Variants in DDR2 observed in about 807,000 individuals in gnomAD.
DDR2 encodes the protein discoidin domain-containing receptor 2.
DDR2 carries 27 observed loss-of-function variants against 94.9 expected under a neutral mutation model. That is an observed-to-expected ratio of 0.28 (90% CI 0.21 to 0.39). The LOEUF is 0.39. Ranked by LOEUF, DDR2 falls within the 10% of genes least tolerant of loss-of-function variation. The pLI, the probability that DDR2 is intolerant of heterozygous loss-of-function variation, is 1.00. For missense variants in DDR2, 783 were observed against 1,076.0 expected, an observed-to-expected ratio of 0.73 and a Z score of 3.81; for synonymous variants, 382 against 377.2, an observed-to-expected ratio of 1.01 and a Z score of -0.15.
intron 9 of DDR2, 139 bp downstream of exon 9, chr1:162,761,593 C>A (rs1027311926): frequency 4.3e-6 from 6 of 1,379,546 alleles, no homozygotes; most frequent in Non-Finnish European, 6.0e-6. Flanking sequence ...TACGGTGAAT[C>A]CTTTGTGTGA....
Position 162,781,612 on chromosome 1 carries a change from C to T in DDR2, c.*1366C>T, listed in dbSNP as rs1647910594. 6.6e-6 allele frequency: 1 copy of T among 152,206 alleles called. No individual in the cohort carries two copies. The highest frequency in any genetic ancestry group is 1.9e-4 in the East Asian group (1 of 5,198). 9.4% of individuals were successfully genotyped at this position (152,206 alleles called of 1,614,324 possible). On this transcript the variant is annotated 3_prime_UTR_variant, in exon 18 of 18. Transcript: ENST00000367921. ...TTCTGGAGAGGCACAGGATGAACAT[C>T]TGTTGCTACTGCTGAGTATACACAC...
Position 162,781,162 on chromosome 1 carries a change from T to C in DDR2, c.*916T>C, listed in dbSNP as rs1462935239. On this transcript the variant is annotated 3_prime_UTR_variant, in exon 18 of 18. Coordinates refer to ENST00000367921, the MANE Select transcript of DDR2 (RefSeq NM_006182.4). ...TGAGTTTTTAATCAGTAAAGTCTGA[T>C]GTTTTGATATCTTGATGTTTTGATG... 1 of 152,240 alleles carries C rather than the reference T, an allele frequency of 6.6e-6. No homozygotes were observed. Among genetic ancestry groups the C allele is most frequent in the Admixed American group, 6.5e-5 (1 of 15,276 alleles). The allele number at this position is 152,240 out of a possible 1,614,324, so 9.4% of individuals were successfully genotyped here. A position where few individuals can be genotyped will look rare whatever the true frequency, so the allele number is the denominator to read the frequency against.
chr1:162,769,072 G>A (rs185577180), intron 11 of DDR2, among the ~76,000 whole-genome samples: 1 of 152,300 alleles, frequency 6.6e-6, no homozygotes, highest in East Asian at 1.9e-4. Flanking sequence ...TGCTATATGA[G>A]CTCTTTTTCT....
chr1:162,666,275 A>G (rs891162281), intron 2 of DDR2, among the ~76,000 whole-genome samples: 1 of 152,166 alleles, frequency 6.6e-6, no homozygotes, highest in Non-Finnish European at 1.5e-5. Context: ...AGCACAAAAG[A>G]TTTTGAAGTG....
At chr1:162,697,628 C>T (rs1372180296) in intron 2 of DDR2, among the ~76,000 whole-genome samples, 1 of 152,182 alleles carries the variant, frequency 6.6e-6, no homozygotes, top group Non-Finnish European at 1.5e-5. Flanking sequence ...AGTCAAAATA[C>T]ATTTACTACG....
intron 2 of DDR2, among the ~76,000 whole-genome samples, chr1:162,703,998 T>C (rs1169747784): frequency 5.3e-5 from 8 of 152,102 alleles, no homozygotes; most frequent in Admixed American, 5.2e-4. Context: ...TTGGCAGAGG[T>C]GGTGGCATCC....
At chr1:162,729,887 G>T (rs1661937881) in intron 3 of DDR2, among the ~76,000 whole-genome samples, 1 of 151,754 alleles carries the variant, frequency 6.6e-6, no homozygotes, top group African/African-American at 2.4e-5. Context: ...GGGATTACAG[G>T]CATGCACCAC....
At chr1:162,768,883 G>A (rs193241711) in intron 11 of DDR2, among the ~76,000 whole-genome samples, 1 of 152,326 alleles carries the variant, frequency 6.6e-6, no homozygotes, top group African/African-American at 2.4e-5. Context: ...CATGAATGAG[G>A]CAAATATCAA....
chr1:162,746,345 C>G (rs1359324844), intron 3 of DDR2, among the ~76,000 whole-genome samples: 1 of 152,192 alleles, frequency 6.6e-6, no homozygotes, highest in Non-Finnish European at 1.5e-5. Flanking sequence ...TTGGAGGGTC[C>G]CACGCCCACG....
intron 3 of DDR2, among the ~76,000 whole-genome samples, chr1:162,739,159 G>C (rs1367474132): frequency 7.5e-6 from 1 of 133,858 alleles, no homozygotes; most frequent in African/African-American, 2.8e-5. Flanking sequence ...ACTACCATCA[G>C]AGTGAACAGG....
intron 6 of DDR2, 42 bp from the exon 7 acceptor site, chr1:162,755,622 G>A (rs767109179): frequency 1.3e-6 from 2 of 1,565,248 alleles, no homozygotes; most frequent in African/African-American, 1.4e-5. Flanking sequence ...GAGGTAATGG[G>A]CCTGAGCAGT....
chr1:162,719,243 A>G, intron 3 of DDR2, 98 bp downstream of exon 3: 6 of 1,588,746 alleles, frequency 3.8e-6, no homozygotes, highest in Non-Finnish European at 5.1e-6. Flanking sequence ...AAGAGGGACT[A>G]CAAAGCTCTT....
intron 3 of DDR2, among the ~76,000 whole-genome samples, chr1:162,733,017 G>T (rs1446173641): frequency 6.6e-6 from 1 of 152,236 alleles, no homozygotes; most frequent in Non-Finnish European, 1.5e-5. Flanking sequence ...TGGGAAACTG[G>T]AAAAGTGAAT....
intron 2 of DDR2, among the ~76,000 whole-genome samples, chr1:162,717,769 A>C (rs977237718): frequency 1.3e-5 from 2 of 152,288 alleles, no homozygotes; most frequent in Middle Eastern, 3.4e-3. Flanking sequence ...TTTTCATCAC[A>C]TCATATCAAG....
At chr1:162,656,100 T>C (rs1657947512) in intron 2 of DDR2, among the ~76,000 whole-genome samples, 1 of 152,224 alleles carries the variant, frequency 6.6e-6, no homozygotes. Context: ...GTTCATCCTT[T>C]GGCAGGCTAA....
intron 2 of DDR2, among the ~76,000 whole-genome samples, chr1:162,696,115 G>C (rs1041480772): frequency 1.3e-5 from 2 of 151,814 alleles, no homozygotes; most frequent in East Asian, 1.9e-4. Context: ...TTAAAAGGTA[G>C]GAGAGAAGTG....
At chr1:162,646,200 T>C (rs1657399597) in intron 1 of DDR2, among the ~76,000 whole-genome samples, 1 of 152,206 alleles carries the variant, frequency 6.6e-6, no homozygotes, top group Non-Finnish European at 1.5e-5. Flanking sequence ...AAATGTTAAA[T>C]TATAATCGAA....
intron 14 of DDR2, among the ~76,000 whole-genome samples, chr1:162,775,021 A>G (rs1181630410): frequency 6.6e-6 from 1 of 152,176 alleles, no homozygotes; most frequent in Non-Finnish European, 1.5e-5. Flanking sequence ...GTCACCATGT[A>G]CTCAAACAAT....
chr1:162,723,694 G>A (rs944171684), intron 3 of DDR2, among the ~76,000 whole-genome samples: 4 of 152,174 alleles, frequency 2.6e-5, no homozygotes, highest in African/African-American at 9.7e-5. Context: ...TTGTGCTCAG[G>A]AAAGGGAGAA....
Sources: gnomAD v4.1 joint callset for allele counts (sites outside exome capture counted in the v4.1 genomes callset) on GRCh38, gnomAD v4.1.1 for gene constraint, MANE v1.5 for transcripts, NCBI Gene and HGNC (gene_info 2026-07-23, HGNC 2026-07-21) for gene names.